PAPPA: variants seen among roughly 807,000 people sequenced by gnomAD.
The protein encoded by PAPPA is pappalysin 1, also known as pappalysin-1.
In PAPPA, 60 loss-of-function variants were observed where a neutral mutation model predicts 164.0. The observed-to-expected ratio is 0.37, with a 90% CI of 0.30 to 0.45. The LOEUF is 0.45. Among genes scored for constraint, PAPPA ranks in the 20% least tolerant of loss-of-function variants. PAPPA has a pLI of 1.00. For synonymous variants in PAPPA, 875 were observed against 814.1 expected (o/e 1.07, Z -1.27); for missense variants, 1,782 against 2,087.3 (o/e 0.85, Z 2.85).
At chr9:116,273,825 C>T (rs367648595) in intron 9 of PAPPA, among the ~76,000 whole-genome samples, 1 of 152,104 alleles carries the variant, frequency 6.6e-6, no homozygotes, top group African/African-American at 2.4e-5. Flanking sequence ...GACTGAGATC[C>T]TCCTAGATTC....
intron 1 of PAPPA, among the ~76,000 whole-genome samples, chr9:116,178,390 G>T (rs1464906677): frequency 3.9e-5 from 6 of 152,184 alleles, no homozygotes; most frequent in Non-Finnish European, 5.9e-5. Context: ...TTACAGGCGT[G>T]AGCCACCTTG....
rs982155933 is a variant in PAPPA, at chr9:116,271,434, C to A, written c.2953+18C>A. On this transcript the variant is annotated intron_variant, in intron 9 of 21. Coordinates refer to ENST00000328252, the MANE Select transcript of PAPPA (RefSeq NM_002581.5). The surrounding 1 kb of genome is among the most constrained non-coding windows in gnomAD (Gnocchi z 4.2). ...TTGTATTGGTACGTCTTTTTCATTT[C>A]TTGTGGCCTTCATGAAGAAATGAAC... The A allele has an allele frequency of 1.8e-5, 28 of 1,549,988 alleles. No homozygotes were observed. The highest frequency in any genetic ancestry group is 2.5e-5 in the Non-Finnish European group (28 of 1,121,498).
chr9:116,335,632 A>C (rs1263118653), intron 13 of PAPPA, among the ~76,000 whole-genome samples: 1 of 152,124 alleles, frequency 6.6e-6, no homozygotes, highest in Admixed American at 6.5e-5. Flanking sequence ...TCACTCCCTC[A>C]GTGCTTTTGA....
In PAPPA at chr9:116,271,378, C is replaced by G; in HGVS notation, c.2915C>G (p.Ser972Cys). ...DMNKINGDGC[S>C]LFCRQEVSFN... ...AATAAGATCAATGGTGATGGCTGCT[C>G]CCTTTTCTGCCGACAAGAAGTCTCC... is the stretch of plus-strand genomic sequence containing the variant. Residue 972 changes from serine to cysteine, a missense_variant, in exon 9 of 22, where the codon TCC becomes TGC. Ser to Cys is a moderately radical substitution (Grantham distance 112, BLOSUM62 -1). Coordinates refer to ENST00000328252, the MANE Select transcript of PAPPA (RefSeq NM_002581.5). The surrounding 1 kb of genome is among the most constrained non-coding windows in gnomAD (Gnocchi z 4.2). 6.2e-7 allele frequency: 1 copy of G among 1,613,916 alleles called. No homozygotes were observed. The highest frequency in any genetic ancestry group is 8.5e-7 in the Non-Finnish European group (1 of 1,179,808).
Position 116,271,857 on chromosome 9 carries a change from C to T in PAPPA, c.2953+441C>T, listed in dbSNP as rs115249220. Among the ~76,000 whole-genome samples, 1,712 of 152,256 alleles carry T rather than the reference C, an allele frequency of 0.011. 35 individuals are homozygous for T. Among genetic ancestry groups the T allele is most frequent in the African/African-American group, 0.039 (1,600 of 41,528 alleles). Reference sequence around the variant, plus strand: ...AAAGTGATTAAAGACAGAATCAGGACTTGAACCTGATTTTGTCTGATTCTC... The same window carrying T: ...AAAGTGATTAAAGACAGAATCAGGATTTGAACCTGATTTTGTCTGATTCTC... On this transcript the variant is annotated intron_variant, in intron 9 of 21. Coordinates refer to ENST00000328252, the MANE Select transcript of PAPPA (RefSeq NM_002581.5). The surrounding 1 kb of genome is among the most constrained non-coding windows in gnomAD (Gnocchi z 4.2).
chr9:116,353,012 A>AG, intron 16 of PAPPA, 96 bp downstream of exon 16: 1 of 853,384 alleles, frequency 1.2e-6, no homozygotes, highest in Non-Finnish European at 2.0e-6. Flanking sequence ...TCTTCACTGG[A>AG]GGTAATGACT....
rs1444613387 is a variant in PAPPA, at chr9:116,235,250, A to G, written c.2345A>G (p.Tyr782Cys). 5 of 1,614,058 alleles carry G rather than the reference A, an allele frequency of 3.1e-6. No homozygotes were observed. Among genetic ancestry groups the G allele is most frequent in the Non-Finnish European group, 4.2e-6 (5 of 1,179,996 alleles). Reference sequence around the variant, plus strand: ...GCCTGCCCTGAGCCTCAAGGCTGCTACCTCGAGCTGGAGTTCCTCTACCCC... The same window carrying G: ...GCCTGCCCTGAGCCTCAAGGCTGCTGCCTCGAGCTGGAGTTCCTCTACCCC... ...PPACPEPQGC[Y>C]LELEFLYPLV... is the part of the protein sequence containing the mutation. Residue 782 changes from tyrosine (Y) to cysteine (C), a missense_variant, in exon 7 of 22, where the codon TAC (tyrosine) becomes TGC (cysteine). Transcript: ENST00000328252.
At chr9:116,308,701 G>C (rs117467369) in intron 10 of PAPPA, among the ~76,000 whole-genome samples, 1 of 152,120 alleles carries the variant, frequency 6.6e-6, no homozygotes, top group East Asian at 1.9e-4. Flanking sequence ...AAGGAACACC[G>C]GGAAAGTGGG....
At chr9:116,374,499 G>C (rs1846624115) in intron 19 of PAPPA, among the ~76,000 whole-genome samples, 2 of 152,190 alleles carry the variant, frequency 1.3e-5, no homozygotes, top group South Asian at 2.1e-4. Flanking sequence ...CCTGTAGTGA[G>C]ACAGGTGGGG....
intron 1 of PAPPA, among the ~76,000 whole-genome samples, chr9:116,159,373 T>A (rs1254197761): frequency 6.6e-6 from 1 of 152,176 alleles, no homozygotes; most frequent in Non-Finnish European, 1.5e-5. Flanking sequence ...TTTCAAAAAG[T>A]GGGGCCTGTT....
At chr9:116,390,521 T>G (rs1225983212) in intron 21 of PAPPA, among the ~76,000 whole-genome samples, 1 of 152,030 alleles carries the variant, frequency 6.6e-6, no homozygotes, top group Non-Finnish European at 1.5e-5. Flanking sequence ...TCAGGAGGAT[T>G]TGAAGCACTG....
At chr9:116,378,815 G>A (rs1846689005) in intron 20 of PAPPA, among the ~76,000 whole-genome samples, 1 of 152,150 alleles carries the variant, frequency 6.6e-6, no homozygotes, top group Non-Finnish European at 1.5e-5. Flanking sequence ...CTTTTCTCCT[G>A]CTGCCTGCCT....
chr9:116,155,079 G>A (rs964512070), intron 1 of PAPPA, among the ~76,000 whole-genome samples: 2 of 152,224 alleles, frequency 1.3e-5, no homozygotes, highest in Non-Finnish European at 2.9e-5. Flanking sequence ...CCAGGACTTA[G>A]AAGTCCTCGA....
chr9:116,332,547 C>G, intron 12 of PAPPA, 79 bp downstream of exon 12: 1 of 1,284,090 alleles, frequency 7.8e-7, no homozygotes, highest in Admixed American at 1.9e-5. Flanking sequence ...TGAGGATCAG[C>G]TTAGAATGAG....
At chr9:116,302,304 A>G (rs953032894) in intron 9 of PAPPA, among the ~76,000 whole-genome samples, 2 of 152,110 alleles carry the variant, frequency 1.3e-5, no homozygotes, top group South Asian at 4.1e-4. Context: ...CTATAAGCAC[A>G]CTATTTTACA....
At chr9:116,339,827 A>G (rs1002666463) in intron 13 of PAPPA, among the ~76,000 whole-genome samples, 4 of 152,194 alleles carry the variant, frequency 2.6e-5, no homozygotes, top group Non-Finnish European at 5.9e-5. Flanking sequence ...AGCACTCTCC[A>G]GCTATCCTCT....
At chr9:116,272,763 T>C (rs1845152626) in intron 9 of PAPPA, among the ~76,000 whole-genome samples, 1 of 152,192 alleles carries the variant, frequency 6.6e-6, no homozygotes, top group Non-Finnish European at 1.5e-5. Context: ...AAAAGCTTGA[T>C]ATTAGCCTAG....
chr9:116,367,870 A>G lies in PAPPA; in HGVS notation c.4605+116A>G, dbSNP rs1389889140. The G allele has an allele frequency of 5.5e-6, 4 of 729,386 alleles. No homozygotes were observed. In the African/African-American group the frequency reaches 6.9e-5, roughly 13 times the overall value. 45.2% of individuals were successfully genotyped at this position (729,386 alleles called of 1,614,324 possible). On this transcript the variant is annotated intron_variant, in intron 19 of 21. Coordinates refer to ENST00000328252, the MANE Select transcript of PAPPA (RefSeq NM_002581.5). ...TCTTTCACACATATTACCTCATTTA[A>G]TCATCACACCTGCCCTGTGGGTGTG...
At chr9:116,189,165 C>T (rs185479386) in intron 2 of PAPPA, among the ~76,000 whole-genome samples, 2 of 152,258 alleles carry the variant, frequency 1.3e-5, no homozygotes, top group East Asian at 3.9e-4. Context: ...AAGATCAATA[C>T]ATTTGGTGTA....
Sources: allele counts gnomAD v4.1 joint callset (sites outside exome capture counted in the v4.1 genomes callset), GRCh38; gene constraint gnomAD v4.1.1; non-coding constraint Gnocchi (gnomAD v3.1); transcripts MANE v1.5; gene names NCBI Gene and HGNC (gene_info 2026-07-23, HGNC 2026-07-21).